PTPRM: variants seen among roughly 807,000 people sequenced by gnomAD.
PTPRM encodes protein tyrosine phosphatase receptor type M.
PTPRM carries 47 observed loss-of-function variants against 186.7 expected under a neutral mutation model. That is an observed-to-expected ratio of 0.25 (90% CI 0.20 to 0.32). PTPRM has a LOEUF of 0.32. PTPRM is among the 10% of genes least tolerant of loss of function. The pLI is 1.00. For synonymous variants in PTPRM, 668 were observed against 674.9 expected (o/e 0.99, Z 0.16); for missense variants, 1,494 against 1,865.0 (o/e 0.80, Z 3.66).
intron 1 of PTPRM, among the ~76,000 whole-genome samples, chr18:7,582,464 C>A (rs777510501): frequency 1.3e-5 from 2 of 152,138 alleles, no homozygotes; most frequent in African/African-American, 4.8e-5. Context: ...CACCTCTTCT[C>A]CTGGCCAAAG....
Position 7,643,422 on chromosome 18 carries a change from C to T in PTPRM, c.73+75531C>T, listed in dbSNP as rs556716109. Among the ~76,000 whole-genome samples the T allele has an allele frequency of 9.2e-5, 14 of 152,238 alleles. No homozygotes were observed. In the South Asian group the frequency reaches 2.1e-3, roughly 23 times the overall value. On this transcript the variant is annotated intron_variant, in intron 1 of 32. Transcript: ENST00000580170. ...TGGTGCAATCTTGGCTTACTGCAAG[C>T]TCCCCCGCCCAGGTTCATGCCATTC...
intron 13 of PTPRM, among the ~76,000 whole-genome samples, chr18:8,124,646 T>C (rs2145851688): frequency 6.6e-6 from 1 of 152,304 alleles, no homozygotes; most frequent in African/African-American, 2.4e-5. Flanking sequence ...ACAGCAGTTT[T>C]ATAACTGATG....
At chr18:8,373,022 A>T (rs752513619) in intron 24 of PTPRM, among the ~76,000 whole-genome samples, 4 of 152,094 alleles carry the variant, frequency 2.6e-5, no homozygotes, top group Non-Finnish European at 5.9e-5. Flanking sequence ...CAGTCATTTT[A>T]GTCACTAGAC....
At chr18:8,044,924 A>G (rs2086939719) in intron 7 of PTPRM, among the ~76,000 whole-genome samples, 1 of 152,150 alleles carries the variant, frequency 6.6e-6, no homozygotes, top group South Asian at 2.1e-4. Flanking sequence ...AAAATAATAC[A>G]CCCACTTCAT....
chr18:8,094,901 T>A (rs2090937292), intron 11 of PTPRM, among the ~76,000 whole-genome samples: 1 of 152,188 alleles, frequency 6.6e-6, no homozygotes, highest in African/African-American at 2.4e-5. Flanking sequence ...TAGATAAGCA[T>A]AGTTTCAAAT....
chr18:8,128,504 C>G (rs964012797), intron 13 of PTPRM, among the ~76,000 whole-genome samples: 1 of 152,098 alleles, frequency 6.6e-6, no homozygotes. Flanking sequence ...AAATTTTATT[C>G]TTTCTGCAAT....
intron 1 of PTPRM, among the ~76,000 whole-genome samples, chr18:7,734,670 AT>A (rs2040730159): frequency 6.6e-6 from 1 of 152,200 alleles, no homozygotes; most frequent in East Asian, 1.9e-4. Context: ...ATGGCATGGA[AT>A]TTTACTACTC....
chr18:7,838,270 AACTC>A (rs2046153051), intron 2 of PTPRM, among the ~76,000 whole-genome samples: 3 of 152,266 alleles, frequency 2.0e-5, no homozygotes, highest in South Asian at 2.1e-4. Context: ...ATTTTGGGAG[AACTC>A]ACTCACTATC....
Position 7,859,007 on chromosome 18 carries a change from G to T in PTPRM, c.197-29099G>T, listed in dbSNP as rs116199969. Among the ~76,000 whole-genome samples, 1,149 of 152,306 alleles carry T rather than the reference G, an allele frequency of 7.5e-3. 13 individuals are homozygous for T. Among genetic ancestry groups the T allele is most frequent in the African/African-American group, 0.026 (1,098 of 41,560 alleles). On this transcript the variant is annotated intron_variant, in intron 2 of 32. Coordinates refer to ENST00000580170, the MANE Select transcript of PTPRM (RefSeq NM_001105244.2). ...ATTTTAGAACAGAGTTCCTGAGGCA[G>T]TCAGTGCATTCTGGGGTTTTGCCCC...
chr18:7,982,933 T>G (rs1469252381), intron 7 of PTPRM, among the ~76,000 whole-genome samples: 1 of 152,152 alleles, frequency 6.6e-6, no homozygotes, highest in Non-Finnish European at 1.5e-5. Flanking sequence ...CATTCATGAC[T>G]CAGGGCCCTG....
At chr18:8,132,051 G>A (rs997729557) in intron 13 of PTPRM, among the ~76,000 whole-genome samples, 5 of 152,136 alleles carry the variant, frequency 3.3e-5, no homozygotes, top group Non-Finnish European at 1.5e-5. Context: ...ATTAATTATG[G>A]CTTATTATTA....
intron 2 of PTPRM, among the ~76,000 whole-genome samples, chr18:7,807,330 T>C (rs779834431): frequency 2.7e-4 from 41 of 152,242 alleles, no homozygotes; most frequent in Non-Finnish European, 4.9e-4. Context: ...GTAAACTTCC[T>C]GTAAGCTAAC....
Position 7,888,384 on chromosome 18 carries a change from G to A in PTPRM, c.468+7G>A. On this transcript the variant is annotated splice_region_variant and intron_variant, in intron 3 of 32. Coordinates refer to ENST00000580170, the MANE Select transcript of PTPRM (RefSeq NM_001105244.2). ...CTGGCCTAACTTTTATCAGGTATGT[G>A]CTTTCTTTTTATTACATATTTTGAA... 3 of 1,565,596 alleles carry A rather than the reference G, an allele frequency of 1.9e-6. No homozygotes were observed. The Middle Eastern group carries it at 5.2e-4, about 270-fold the overall frequency.
At chr18:7,769,714 G>C (rs1202133242) in intron 1 of PTPRM, among the ~76,000 whole-genome samples, 2 of 152,042 alleles carry the variant, frequency 1.3e-5, no homozygotes, top group South Asian at 2.1e-4. Flanking sequence ...GCATGTCTTG[G>C]AACAGTATAG....
chr18:7,736,340 G>T (rs534915637), intron 1 of PTPRM, among the ~76,000 whole-genome samples: 3 of 151,980 alleles, frequency 2.0e-5, no homozygotes, highest in African/African-American at 7.2e-5. Flanking sequence ...TTTTTTTTGA[G>T]ATGGAGTCTT....
At chr18:8,386,469 T>G (rs1220546280) in intron 30 of PTPRM, among the ~76,000 whole-genome samples, 1 of 152,164 alleles carries the variant, frequency 6.6e-6, no homozygotes, top group African/African-American at 2.4e-5. Context: ...CCATGTCAGA[T>G]GCTGCTGAAG....
chr18:7,784,152 T>C (rs2042989497), intron 2 of PTPRM, among the ~76,000 whole-genome samples: 1 of 152,122 alleles, frequency 6.6e-6, no homozygotes. Flanking sequence ...GTCCAGACTT[T>C]CCATAGTCCA....
At chr18:8,209,829 G>A (rs2093978008) in intron 14 of PTPRM, among the ~76,000 whole-genome samples, 1 of 151,786 alleles carries the variant, frequency 6.6e-6, no homozygotes, top group Non-Finnish European at 1.5e-5. Flanking sequence ...GTCAGGGTGA[G>A]GGGTAAGGGG....
intron 14 of PTPRM, among the ~76,000 whole-genome samples, chr18:8,238,649 G>GTGTGTTTTTTTT (rs1568577854): frequency 1.4e-5 from 1 of 73,650 alleles, no homozygotes; most frequent in African/African-American, 4.2e-5. Flanking sequence ...ACTGTTTTGT[G>GTGTGTTTTTTTT]TGTTTTTTTT....
Sources: allele counts gnomAD v4.1 joint callset (sites outside exome capture counted in the v4.1 genomes callset), GRCh38; gene constraint gnomAD v4.1.1; transcripts MANE v1.5; gene names NCBI Gene and HGNC (gene_info 2026-07-23, HGNC 2026-07-21).